Variants in NOTCH3 observed in about 807,000 individuals in gnomAD.
The protein encoded by NOTCH3 is neurogenic locus notch homolog protein 3.
Under a neutral mutation model 213.3 loss-of-function variants are expected in NOTCH3, and 86 were observed. The ratio of observed to expected loss-of-function variants is 0.40; its 90% CI spans 0.34 to 0.48. The LOEUF (loss-of-function observed/expected upper bound fraction) is 0.48, where lower values mean the gene tolerates loss of function less well. Ranked by LOEUF, NOTCH3 falls within the 20% of genes least tolerant of loss-of-function variation. NOTCH3 has a pLI of 0.57. For synonymous variants in NOTCH3, 1,354 were observed against 1,355.9 expected, an observed-to-expected ratio of 1.00 and a Z score of 0.03; for missense variants, 2,783 against 3,272.6, an observed-to-expected ratio of 0.85 and a Z score of 3.65.
In NOTCH3 at chr19:15,180,184, C is replaced by T. The variant is rs1204243987; in HGVS notation, c.3215G>A (p.Cys1072Tyr). ...GTGGCTACCAGTACGGCCCTCTGGG[C>T]ACACGCAGTAGTGGGAGCTGTCTTC... ...VDEDSSHYCV[C>Y]PEGRTGSHCE... The change falls in exon 20 of 33, where the codon TGC becomes TAC. Residue 1072 changes from cysteine (C) to tyrosine (Y), a missense_variant. Cys to Tyr is a radical substitution (Grantham distance 194). Around this residue, in one of 6 missense-constraint regions of NOTCH3, gnomAD observed 861 missense variants for 909.1 expected, o/e 0.95. Transcript: ENST00000263388. 2 of 1,613,784 alleles carry T rather than the reference C, an allele frequency of 1.2e-6. No homozygotes were observed. Among genetic ancestry groups the T allele is most frequent in the African/African-American group, 1.3e-5 (1 of 74,880 alleles).
chr19:15,165,687 A>C lies in NOTCH3; in HGVS notation c.5667+100T>G. The C allele has an allele frequency of 1.4e-6, 2 of 1,451,750 alleles. No homozygotes were observed. The highest frequency in any genetic ancestry group is 1.9e-6 in the Non-Finnish European group (2 of 1,060,214). 89.9% of individuals were successfully genotyped at this position (1,451,750 alleles called of 1,614,324 possible). A position where few individuals can be genotyped will look rare whatever the true frequency, so the allele number is the denominator to read the frequency against. ...TATTCCCATATATCCCCATTTTCCA[A>C]ATGAGAAAAAATGAGTCTGAAAGGC... On this transcript the variant is annotated intron_variant, in intron 30 of 32. Coordinates refer to ENST00000263388, the MANE Select transcript of NOTCH3 (RefSeq NM_000435.3). This position sits in a 1 kb window ranked among gnomAD's most constrained non-coding sequence, Gnocchi z 4.7.
intron 28 of NOTCH3, among the ~76,000 whole-genome samples, chr19:15,168,761 G>A (rs192314564): frequency 7.2e-5 from 11 of 152,272 alleles, no homozygotes; most frequent in Non-Finnish European, 1.2e-4. Flanking sequence ...TTGAACCTGG[G>A]AGGTGGAGGC....
At chr19:15,189,507 G>T (rs1026131655) in intron 6 of NOTCH3, 79 bp from the exon 7 acceptor site, 2 of 1,538,306 alleles carry the variant, frequency 1.3e-6, no homozygotes, top group African/African-American at 2.7e-5. Context: ...GTATTGTTTT[G>T]TCGTTGTTGT....
chr19:15,196,096 T>TG (rs1175195618), intron 2 of NOTCH3, among the ~76,000 whole-genome samples: 1 of 134,156 alleles, frequency 7.5e-6, no homozygotes, highest in Non-Finnish European at 1.6e-5. Context: ...AAGAGACTCG[T>TG]GGGGGGTGGA....
rs765979836 is a variant in NOTCH3 at position 15,188,267 on chromosome 19, C to T, written c.1460G>A (p.Arg487Gln). 2.7e-5 allele frequency: 44 copies of T among 1,602,822 alleles called. No homozygotes were observed. In the Admixed American group the frequency reaches 6.8e-4, roughly 25 times the overall value. The change falls in exon 9 of 33, where the codon CGA (arginine) becomes CAA (glutamine). Residue 487 changes from arginine to glutamine, a missense_variant. Coordinates refer to ENST00000263388, the MANE Select transcript of NOTCH3 (RefSeq NM_000435.3). ...PCVNGGVCKDRVNGFSCTCPS... is the reference protein window; with the variant it reads ...PCVNGGVCKDQVNGFSCTCPS... ...GCAGGTGCAGCTGAAGCCATTGACT[C>T]GGTCCTTGCAGACCCCACCGTTGAC...
At position 15,160,963 on chromosome 19, in the gene NOTCH3, G is replaced by A. The variant is rs1489373939; in HGVS notation, c.6665C>T (p.Pro2222Leu). The change falls in exon 33 of 33, where the codon CCG becomes CTG. Residue 2222 changes from proline to leucine, a missense_variant. Pro to Leu is a moderately conservative substitution (Grantham distance 98, BLOSUM62 -3). Around this residue, in one of 6 missense-constraint regions of NOTCH3, gnomAD observed 441 missense variants for 432.1 expected, o/e 1.02. Transcript: ENST00000263388. ...LAVPGHGEEY[P>L]AAGAHSSPPK... ...GGGGCTGCTGTGTGCCCCAGCCGCCGGGTACTCCTCGCCATGTCCTGGGAC... is the reference window on the plus strand; with the variant it reads ...GGGGCTGCTGTGTGCCCCAGCCGCCAGGTACTCCTCGCCATGTCCTGGGAC... The A allele has an allele frequency of 1.4e-5, 22 of 1,575,712 alleles. No individual in the cohort carries two copies. The Middle Eastern group carries it at 1.0e-3, about 72-fold the overall frequency.
chr19:15,162,394 T>G (rs2145385491), intron 32 of NOTCH3, 71 bp downstream of exon 32: 1 of 1,008,518 alleles, frequency 9.9e-7, no homozygotes, highest in South Asian at 1.3e-5. Flanking sequence ...AGTCTCACTC[T>G]GTTGCCCAGG....
rs915197171 is a variant in NOTCH3 at position 15,185,568 on chromosome 19, A to G, written c.2063T>C (p.Leu688Ser). The G allele has an allele frequency of 3.1e-6, 5 of 1,611,826 alleles. No individual in the cohort carries two copies. The highest frequency in any genetic ancestry group is 4.2e-6 in the Non-Finnish European group (5 of 1,179,484). The change falls in exon 13 of 33, where the codon TTG becomes TCG. Residue 688 changes from leucine (L) to serine (S), a missense_variant. By Grantham distance (145) the Leu-to-Ser change is moderately radical. Around this residue, in one of 6 missense-constraint regions of NOTCH3, gnomAD observed 861 missense variants for 909.1 expected, o/e 0.95. Coordinates refer to ENST00000263388, the MANE Select transcript of NOTCH3 (RefSeq NM_000435.3). The surrounding 1 kb of genome is among the most constrained non-coding windows in gnomAD (Gnocchi z 4.2). ...GCTCGGGGGGAGGCAGAGTGGGGGC[A>G]AGGAGCCAGGCGGGCAGAGGCAGCG... The part of the protein sequence containing the change: ...GFRCLCPPGS[L>S]PPLCLPPSHP...
At chr19:15,169,615 C>T (rs1484669715) in intron 28 of NOTCH3, among the ~76,000 whole-genome samples, 2 of 152,168 alleles carry the variant, frequency 1.3e-5, no homozygotes, top group African/African-American at 4.8e-5. Context: ...AGGTGATCCA[C>T]CTCTGTGGGA....
chr19:15,177,659 G>A lies in NOTCH3; in HGVS notation c.4269C>T (p.Asp1423=), dbSNP rs1185852137. 1 of 1,557,000 alleles carries A rather than the reference G, an allele frequency of 6.4e-7. No homozygotes were observed. Among genetic ancestry groups the A allele is most frequent in the South Asian group, 1.2e-5 (1 of 85,688 alleles). ...GCAGCGCCTCGCATTGCCGCCAGGG[G>A]TCGCCCACGCTCAGCGAGCAGTCGC... ...DGGDCSLSVG[D]PWRQCEALQC... The change falls in exon 24 of 33, where the codon GAC becomes GAT. Residue 1423 remains aspartate (D), a synonymous_variant. Coordinates refer to ENST00000263388, the MANE Select transcript of NOTCH3 (RefSeq NM_000435.3).
intron 19 of NOTCH3, among the ~76,000 whole-genome samples, 178 bp from the exon 20 acceptor site, chr19:15,180,434 A>G (rs2046829775): frequency 6.6e-6 from 1 of 151,976 alleles, no homozygotes; most frequent in South Asian, 2.1e-4. Context: ...ATACACACAC[A>G]TGCCTTCAAC....
At chr19:15,173,994 AAC>A (rs2046764975) in intron 25 of NOTCH3, 72 bp downstream of exon 25, 1 of 1,303,808 alleles carries the variant, frequency 7.7e-7, no homozygotes, top group African/African-American at 1.5e-5. Context: ...AGTGAAATGA[AAC>A]ACACAAGACC....
chr19:15,194,964 A>C (rs2046958172), intron 2 of NOTCH3, among the ~76,000 whole-genome samples: 6 of 151,754 alleles, frequency 4.0e-5, no homozygotes, highest in Admixed American at 2.6e-4. Flanking sequence ...TCTCAAAAAA[A>C]AAAAAAAAAA....
At chr19:15,173,296 C>T (rs1195663181) in intron 25 of NOTCH3, among the ~76,000 whole-genome samples, 1 of 150,218 alleles carries the variant, frequency 6.7e-6, no homozygotes, top group East Asian at 2.0e-4. Context: ...GTGGCGGCCG[C>T]CTGTAGTCCC....
intron 20 of NOTCH3, 72 bp from the exon 21 acceptor site, chr19:15,179,568 C>A (rs779595896): frequency 6.6e-7 from 1 of 1,523,000 alleles, no homozygotes; most frequent in South Asian, 1.1e-5. Context: ...CCCATGAAGA[C>A]GCAAAGAACC....
chr19:15,171,068 C>G (rs954980217), intron 25 of NOTCH3, among the ~76,000 whole-genome samples: 1 of 152,196 alleles, frequency 6.6e-6, no homozygotes, highest in Non-Finnish European at 1.5e-5. Context: ...GATCTTGCAC[C>G]GAGGCTGGAG....
At chr19:15,170,604 C>G (rs1241127481) in intron 26 of NOTCH3, 51 bp from the exon 27 acceptor site, 17 of 1,580,042 alleles carry the variant, frequency 1.1e-5, no homozygotes, top group Non-Finnish European at 1.5e-5. Flanking sequence ...GGGGCTTTGG[C>G]CTCAGGCGGG....
Position 15,162,325 on chromosome 19 carries a change from A to G in NOTCH3, c.5913+140T>C, listed in dbSNP as rs553116403. The G allele has an allele frequency of 3.2e-5, 24 of 755,442 alleles. 1 individual carries two copies. The highest frequency in any genetic ancestry group is 5.1e-5 in the Non-Finnish European group (23 of 454,042). The allele number at this position is 755,442 out of a possible 1,614,324, so 46.8% of individuals were successfully genotyped here. ...GGGGCCCCCAAAAACTTTAGTCACCAAAGTAAATTATATTTTAATCCAATG... is the reference window on the plus strand; with the variant it reads ...GGGGCCCCCAAAAACTTTAGTCACCGAAGTAAATTATATTTTAATCCAATG... On this transcript the variant is annotated intron_variant, in intron 32 of 32. Transcript: ENST00000263388.
rs775809529 is a variant in NOTCH3, at chr19:15,180,169, G to A, written c.3230C>T (p.Thr1077Ile). The change falls in exon 20 of 33, where the codon ACT becomes ATT. Residue 1077 changes from threonine (T) to isoleucine (I), a missense_variant. Transcript: ENST00000263388. ...CACCTCCTGCTCACAGTGGCTACCAGTACGGCCCTCTGGGCACACGCAGTA... is the reference window on the plus strand; with the variant it reads ...CACCTCCTGCTCACAGTGGCTACCAATACGGCCCTCTGGGCACACGCAGTA... ...SHYCVCPEGR[T>I]GSHCEQEVDP... 1.2e-6 allele frequency: 2 copies of A among 1,613,750 alleles called. No individual in the cohort carries two copies. Among genetic ancestry groups the A allele is most frequent in the Non-Finnish European group, 1.7e-6 (2 of 1,179,928 alleles).
Sources: gnomAD v4.1 joint callset for allele counts (sites outside exome capture counted in the v4.1 genomes callset) on GRCh38, gnomAD v4.1.1 for gene constraint, gnomAD v4.1.1 regional missense constraint, Gnocchi (gnomAD v3.1) non-coding constraint, MANE v1.5 for transcripts, NCBI Gene and HGNC (gene_info 2026-07-23, HGNC 2026-07-21) for gene names.